Variants in PIEZO2 observed in about 807,000 individuals in gnomAD.
The protein encoded by PIEZO2 is piezo type mechanosensitive ion channel component 2, also known as piezo-type mechanosensitive ion channel component 2.
Under a neutral mutation model 337.3 loss-of-function variants are expected in PIEZO2, and 172 were observed. The observed-to-expected ratio is 0.51, with a 90% CI of 0.45 to 0.58. PIEZO2 has a LOEUF of 0.58. PIEZO2 is among the 20% of genes least tolerant of loss of function. PIEZO2 has a pLI of 0.00. For synonymous variants in PIEZO2, 1,251 were observed against 1,228.5 expected, an observed-to-expected ratio of 1.02 and a Z score of -0.38; for missense variants, 3,028 against 3,391.3, an observed-to-expected ratio of 0.89 and a Z score of 2.66.
At chr18:10,720,895 T>A (rs1198605507) in intron 36 of PIEZO2, among the ~76,000 whole-genome samples, 1 of 152,200 alleles carries the variant, frequency 6.6e-6, no homozygotes, top group Non-Finnish European at 1.5e-5. Flanking sequence ...CTTTATTTTT[T>A]ATGCATGGGC....
At chr18:10,921,971 C>T (rs1235933927) in intron 3 of PIEZO2, among the ~76,000 whole-genome samples, 5 of 152,096 alleles carry the variant, frequency 3.3e-5, no homozygotes, top group African/African-American at 9.7e-5. Flanking sequence ...GCTCTCAAAC[C>T]CTGTCTCCTG....
chr18:11,030,074 A>G (rs1187992665), intron 2 of PIEZO2, among the ~76,000 whole-genome samples: 1 of 152,212 alleles, frequency 6.6e-6, no homozygotes, highest in Non-Finnish European at 1.5e-5. Flanking sequence ...TTTAATTTTA[A>G]TGCTTCTCAT....
At chr18:10,691,731 T>C (rs1299521167) in intron 47 of PIEZO2, among the ~76,000 whole-genome samples, 1 of 131,784 alleles carries the variant, frequency 7.6e-6, no homozygotes, top group Non-Finnish European at 1.6e-5. Flanking sequence ...AAAAAGCCTA[T>C]ATACATTATA....
intron 3 of PIEZO2, among the ~76,000 whole-genome samples, chr18:10,921,234 G>A (rs1156677843): frequency 2.0e-5 from 3 of 152,092 alleles, no homozygotes; most frequent in African/African-American, 7.2e-5. Context: ...ACGGAGCAGT[G>A]AGTTGTAAAC....
chr18:11,112,318 C>G lies in PIEZO2; in HGVS notation c.64+36207G>C, dbSNP rs142153605. 7.6e-4 allele frequency among the ~76,000 whole-genome samples: 115 copies of G among 152,270 alleles called. No homozygotes were observed. The highest frequency in any genetic ancestry group is 2.6e-3 in the African/African-American group (108 of 41,558). ...AGGTCATTTGAGTTTAAAATAAAAA[C>G]AGTTATTTGAGATATTCTGATCCAC... On this transcript the variant is annotated intron_variant, in intron 1 of 55. Coordinates refer to ENST00000674853, the MANE Select transcript of PIEZO2 (RefSeq NM_001378183.1). This position sits in a 1 kb window ranked among gnomAD's most constrained non-coding sequence, Gnocchi z 4.3.
rs1482663777 is a variant in PIEZO2 at position 10,697,868 on chromosome 18, G to A, written c.6707C>T (p.Thr2236Ile). Residue 2236 changes from threonine (T) to isoleucine (I), a missense_variant, in exon 45 of 56, where the codon ACC becomes ATC. Transcript: ENST00000674853. ...SNRSQRGSTS[T>I]RNSSQKGSSV... ...GCTTCCTTTTTGACTGCTGTTTCGGGTGCTTGTGCTGCCTAGAAATAAAAA... is the reference window on the plus strand; with the variant it reads ...GCTTCCTTTTTGACTGCTGTTTCGGATGCTTGTGCTGCCTAGAAATAAAAA... 2 of 1,612,522 alleles carry A rather than the reference G, an allele frequency of 1.2e-6. No homozygotes were observed. Among genetic ancestry groups the A allele is most frequent in the East Asian group, 4.5e-5 (2 of 44,872 alleles).
chr18:10,944,182 G>C (rs149878105), intron 3 of PIEZO2, among the ~76,000 whole-genome samples: 1 of 151,932 alleles, frequency 6.6e-6, no homozygotes. Flanking sequence ...ACAAATACTC[G>C]GTGGATGAGG....
chr18:10,939,941 A>T (rs150369550), intron 3 of PIEZO2, among the ~76,000 whole-genome samples: 2,519 of 150,790 alleles, frequency 0.017, 74 homozygotes, highest in African/African-American at 0.056. Flanking sequence ...AAATAAAATT[A>T]AAAAAAAAAT....
chr18:11,098,560 A>G (rs1267160054), intron 1 of PIEZO2, among the ~76,000 whole-genome samples: 1 of 149,804 alleles, frequency 6.7e-6, no homozygotes, highest in African/African-American at 2.5e-5. Context: ...TCAAAGTTCA[A>G]GTGTTGGAAA....
At chr18:10,701,905 T>G (rs1001335138) in intron 43 of PIEZO2, 84 bp downstream of exon 43, 3 of 1,238,442 alleles carry the variant, frequency 2.4e-6, no homozygotes, top group Non-Finnish European at 3.2e-6. Flanking sequence ...CCAATCCTGA[T>G]GTCCAGGTTA....
chr18:10,867,331 G>A (rs1020482278), intron 5 of PIEZO2, among the ~76,000 whole-genome samples: 4 of 152,208 alleles, frequency 2.6e-5, no homozygotes, highest in Non-Finnish European at 5.9e-5. Context: ...TTGAACCTCA[G>A]AGTTGAGACT....
At chr18:11,088,163 C>T (rs1223300317) in intron 1 of PIEZO2, among the ~76,000 whole-genome samples, 1 of 152,204 alleles carries the variant, frequency 6.6e-6, no homozygotes, top group East Asian at 1.9e-4. Flanking sequence ...CCCCTGCAGG[C>T]AGAGACTATG....
In PIEZO2 at chr18:10,855,254, C is replaced by A; in HGVS notation, c.917+99G>T. 1.9e-6 allele frequency: 2 copies of A among 1,061,312 alleles called. No homozygotes were observed. The highest frequency in any genetic ancestry group is 2.2e-5 in the Admixed American group (1 of 45,120). 65.7% of individuals were successfully genotyped at this position (1,061,312 alleles called of 1,614,324 possible). A position where few individuals can be genotyped will look rare whatever the true frequency, so the allele number is the denominator to read the frequency against. On this transcript the variant is annotated intron_variant, in intron 7 of 55. Transcript: ENST00000674853. The surrounding 1 kb of genome is among the most constrained non-coding windows in gnomAD (Gnocchi z 4.9). The stretch of plus-strand genomic sequence containing the variant: ...CTTTGCTTAACACAGCAATTGCCTG[C>A]CATCAAGAATAACCCCTGTAAATTC...
At position 10,684,093 on chromosome 18, in the gene PIEZO2, CTTCT is replaced by C. The variant is rs1479373097; in HGVS notation, c.7498-1805_7498-1802del. Among the ~76,000 whole-genome samples the C allele has an allele frequency of 3.7e-3, 93 of 25,042 alleles. 1 individual carries two copies. The highest frequency in any genetic ancestry group is 7.7e-3 in the African/African-American group (92 of 11,980). The allele number at this position is 25,042 out of a possible 152,430, so 16.4% of individuals were successfully genotyped here. ...TCCTTCCTTTTTCCTTCCTTCCTTC[CTTCT>C]TTCTCTCTCTCTTTCTTTCTTTCTT... is the stretch of plus-strand genomic sequence containing the variant. On this transcript the variant is annotated intron_variant, in intron 49 of 55. Transcript: ENST00000674853.
intron 2 of PIEZO2, among the ~76,000 whole-genome samples, chr18:10,996,415 C>G (rs1219680528): frequency 6.6e-6 from 1 of 152,080 alleles, no homozygotes; most frequent in Non-Finnish European, 1.5e-5. Context: ...GCATTTAGTC[C>G]ATTCACCATG....
In PIEZO2 at chr18:10,672,216, C is replaced by A. The variant is rs953867749; in HGVS notation, c.8346-437G>T. ...TTTTTATAAAATTCTGGGTGAAAATCATTTCTTATGAGGCTAACTTTGAGA... is the reference window on the plus strand; with the variant it reads ...TTTTTATAAAATTCTGGGTGAAAATAATTTCTTATGAGGCTAACTTTGAGA... On this transcript the variant is annotated intron_variant, in intron 55 of 55. Transcript: ENST00000674853. The surrounding 1 kb of genome is among the most constrained non-coding windows in gnomAD (Gnocchi z 4.7). Among the ~76,000 whole-genome samples, 2 of 152,086 alleles carry A rather than the reference C, an allele frequency of 1.3e-5. No individual in the cohort carries two copies. Among genetic ancestry groups the A allele is most frequent in the Admixed American group, 6.5e-5 (1 of 15,274 alleles).
At position 11,109,507 on chromosome 18, in the gene PIEZO2, G is replaced by A. The variant is rs1347124003; in HGVS notation, c.64+39018C>T. On this transcript the variant is annotated intron_variant, in intron 1 of 55. Transcript: ENST00000674853. The surrounding 1 kb of genome is among the most constrained non-coding windows in gnomAD (Gnocchi z 5.1). ...GAGGTGGGTGGATCACTTGAGGTCA[G>A]GGGTTTGAGACGACCCTGGCCAAGA... Among the ~76,000 whole-genome samples the A allele has an allele frequency of 6.6e-6, 1 of 152,138 alleles. No individual in the cohort carries two copies. The highest frequency in any genetic ancestry group is 1.5e-5 in the Non-Finnish European group (1 of 68,030).
rs2039334227 is a variant in PIEZO2 at position 10,789,306 on chromosome 18, C to T, written c.1942G>A (p.Ala648Thr). 1 of 1,537,302 alleles carries T rather than the reference C, an allele frequency of 6.5e-7. No individual in the cohort carries two copies. Among genetic ancestry groups the T allele is most frequent in the Non-Finnish European group, 8.7e-7 (1 of 1,146,898 alleles). Residue 648 changes from alanine to threonine, a missense_variant, in exon 15 of 56, where the codon GCG (alanine) becomes ACG (threonine). Ala to Thr is a moderately conservative substitution (Grantham distance 58). Coordinates refer to ENST00000674853, the MANE Select transcript of PIEZO2 (RefSeq NM_001378183.1). ...TTTCTCTCTTGCTTCTCTTCCTTCGCTTCCTCTTCTTCCTCCTCTTTGGGC... is the reference window on the plus strand; with the variant it reads ...TTTCTCTCTTGCTTCTCTTCCTTCGTTTCCTCTTCTTCCTCCTCTTTGGGC... The part of the protein sequence containing the change: ...GEPKEEEEEE[A>T]KEEKQERKKV...
intron 4 of PIEZO2, among the ~76,000 whole-genome samples, chr18:10,883,503 C>T (rs141900568): frequency 1.6e-3 from 246 of 152,198 alleles, no homozygotes; most frequent in African/African-American, 5.1e-3. Context: ...GCTAGGCATA[C>T]GTTAGATATA....
Sources: allele counts gnomAD v4.1 joint callset (sites outside exome capture counted in the v4.1 genomes callset), GRCh38; gene constraint gnomAD v4.1.1; non-coding constraint Gnocchi (gnomAD v3.1); transcripts MANE v1.5; gene names NCBI Gene and HGNC (gene_info 2026-07-23, HGNC 2026-07-21).